Variants in RFX7 observed in about 807,000 individuals in gnomAD.
The protein encoded by RFX7 is regulatory factor X7.
RFX7 carries 26 observed loss-of-function variants against 111.8 expected under a neutral mutation model. That is an observed-to-expected ratio of 0.23 (90% CI 0.17 to 0.32). RFX7 has a LOEUF of 0.32. Ranked by LOEUF, RFX7 falls within the 10% of genes least tolerant of loss-of-function variation. The pLI, the probability that RFX7 is intolerant of heterozygous loss-of-function variation, is 1.00. For missense variants in RFX7, 1,573 were observed against 1,772.9 expected, an observed-to-expected ratio of 0.89 and a Z score of 2.02; for synonymous variants, 624 against 624.4, an observed-to-expected ratio of 1.00 and a Z score of 0.01.
intron 2 of RFX7, among the ~76,000 whole-genome samples, chr15:56,194,076 C>G (rs1184945180): frequency 6.6e-6 from 1 of 152,068 alleles, no homozygotes; most frequent in Non-Finnish European, 1.5e-5. Flanking sequence ...ATTTAGATAT[C>G]TTGTTTGCTA....
chr15:56,233,289 A>T (rs2043588485), intron 2 of RFX7, among the ~76,000 whole-genome samples: 1 of 152,204 alleles, frequency 6.6e-6, no homozygotes, highest in South Asian at 2.1e-4. Flanking sequence ...GAGAGAGCTA[A>T]GTGAAAGAAG....
At position 56,093,725 on chromosome 15, in the gene RFX7, C is replaced by A. The variant is rs1228611515; in HGVS notation, c.4003G>T (p.Ala1335Ser). 6.2e-7 allele frequency: 1 copy of A among 1,613,608 alleles called. No homozygotes were observed. The highest frequency in any genetic ancestry group is 8.5e-7 in the Non-Finnish European group (1 of 1,179,720). Residue 1335 changes from alanine to serine, a missense_variant, in exon 10 of 10, where the codon GCA becomes TCA. Around this residue, in one of 7 missense-constraint regions of RFX7, gnomAD observed 411 missense variants for 478.1 expected, o/e 0.86. Coordinates refer to ENST00000559447, the MANE Select transcript of RFX7 (RefSeq NM_022841.7). Reference protein sequence around the residue: ...QINFSPGDNQAQSEIGEQQLD... With the variant: ...QINFSPGDNQSQSEIGEQQLD... Reference sequence around the variant, plus strand: ...TGTTGCTCTCCAATTTCTGATTGTGCTTGATTATCTCCAGGAGAAAAATTG... The same window carrying A: ...TGTTGCTCTCCAATTTCTGATTGTGATTGATTATCTCCAGGAGAAAAATTG...
chr15:56,100,368 G>A (rs2041736940), intron 8 of RFX7, among the ~76,000 whole-genome samples: 2 of 152,186 alleles, frequency 1.3e-5, no homozygotes, highest in African/African-American at 4.8e-5. Flanking sequence ...AAAACTCTGT[G>A]ACACTCTTTT....
At chr15:56,183,306 A>G (rs889323785) in intron 2 of RFX7, among the ~76,000 whole-genome samples, 3 of 151,936 alleles carry the variant, frequency 2.0e-5, no homozygotes, top group African/African-American at 7.3e-5. Context: ...GATCTAGTCA[A>G]TTTTTTTCCT....
At chr15:56,185,642 T>C (rs1341519717) in intron 2 of RFX7, among the ~76,000 whole-genome samples, 1 of 152,184 alleles carries the variant, frequency 6.6e-6, no homozygotes, top group East Asian at 1.9e-4. Context: ...AATCATGATC[T>C]AGTGTCCTTT....
Position 56,089,889 on chromosome 15 carries a change from G to T in RFX7, c.*3456C>A, listed in dbSNP as rs773261337. The T allele has an allele frequency of 2.6e-5, 4 of 152,090 alleles. No individual in the cohort carries two copies. Among genetic ancestry groups the T allele is most frequent in the Non-Finnish European group, 4.4e-5 (3 of 68,032 alleles). 9.4% of individuals were successfully genotyped at this position (152,090 alleles called of 1,614,324 possible). ...CTATGGTGATAGTGGAACTATCACA[G>T]ATCTACAAAGATCTATGTAAACAGA... On this transcript the variant is annotated 3_prime_UTR_variant, in exon 10 of 10. Transcript: ENST00000559447.
chr15:56,203,678 C>T (rs751651132), intron 2 of RFX7, among the ~76,000 whole-genome samples: 1 of 152,094 alleles, frequency 6.6e-6, no homozygotes, highest in African/African-American at 2.4e-5. Flanking sequence ...AAAATGGCCA[C>T]GAGAGTGACC....
chr15:56,160,290 A>C (rs1388281245), intron 3 of RFX7, among the ~76,000 whole-genome samples: 1 of 152,074 alleles, frequency 6.6e-6, no homozygotes, highest in Admixed American at 6.6e-5. Flanking sequence ...ATGATCAATC[A>C]GGGTATCATG....
chr15:56,097,111 GT>G (rs1291453844), intron 9 of RFX7, among the ~76,000 whole-genome samples: 1 of 152,106 alleles, frequency 6.6e-6, no homozygotes, highest in Non-Finnish European at 1.5e-5. Context: ...GAATAGTGCG[GT>G]TACCATGTAT....
chr15:56,099,625 A>G (rs1430163382), intron 8 of RFX7, among the ~76,000 whole-genome samples: 1 of 152,134 alleles, frequency 6.6e-6, no homozygotes, highest in African/African-American at 2.4e-5. Context: ...TATGGAGACT[A>G]TATTTATAAA....
Position 56,093,064 on chromosome 15 carries a change from C to T in RFX7, c.*281G>A, listed in dbSNP as rs562196287. On this transcript the variant is annotated 3_prime_UTR_variant, in exon 10 of 10. Transcript: ENST00000559447. ...AAACTAACTTACACAAAATAAAGAT[C>T]GACTGCTCTTGTAACAGCTGGATAG... 2.5e-5 allele frequency: 8 copies of T among 321,944 alleles called. No homozygotes were observed. The East Asian group carries it at 2.6e-4, about 10-fold the overall frequency. 19.9% of individuals were successfully genotyped at this position (321,944 alleles called of 1,614,324 possible).
intron 3 of RFX7, among the ~76,000 whole-genome samples, chr15:56,146,380 A>G (rs2042471873): frequency 6.6e-6 from 1 of 152,166 alleles, no homozygotes; most frequent in Non-Finnish European, 1.5e-5. Context: ...GATGCTAGGT[A>G]TGAACTACTG....
chr15:56,135,189 T>G (rs1460422045), intron 5 of RFX7, among the ~76,000 whole-genome samples: 1 of 152,092 alleles, frequency 6.6e-6, no homozygotes, highest in African/African-American at 2.4e-5. Context: ...GGAATCGCCA[T>G]ACTGACTTCC....
At chr15:56,124,140 C>G (rs1164123369) in intron 5 of RFX7, among the ~76,000 whole-genome samples, 1 of 152,158 alleles carries the variant, frequency 6.6e-6, no homozygotes, top group African/African-American at 2.4e-5. Context: ...TAAGAAACAT[C>G]TGCCGGGTGC....
intron 5 of RFX7, among the ~76,000 whole-genome samples, chr15:56,137,024 T>C (rs2042313023): frequency 6.6e-6 from 1 of 152,014 alleles, no homozygotes; most frequent in Non-Finnish European, 1.5e-5. Context: ...TTTGCCAGTA[T>C]TTTATTGAGA....
At chr15:56,114,145 C>T (rs1415196161) in intron 5 of RFX7, among the ~76,000 whole-genome samples, 3 of 152,074 alleles carry the variant, frequency 2.0e-5, no homozygotes, top group Non-Finnish European at 4.4e-5. Flanking sequence ...TGGCTCATGC[C>T]TGTATTCCTA....
At chr15:56,099,287 A>G (rs1410178783) in intron 8 of RFX7, among the ~76,000 whole-genome samples, 1 of 152,112 alleles carries the variant, frequency 6.6e-6, no homozygotes, top group African/African-American at 2.4e-5. Context: ...TCATCATTCT[A>G]GTTAACAACA....
At chr15:56,224,732 C>G (rs1293126914) in intron 2 of RFX7, among the ~76,000 whole-genome samples, 1 of 151,888 alleles carries the variant, frequency 6.6e-6, no homozygotes, top group African/African-American at 2.4e-5. Context: ...TCTATTTTCA[C>G]TTGTTTGTTC....
intron 5 of RFX7, among the ~76,000 whole-genome samples, chr15:56,119,130 T>C (rs1329502865): frequency 6.6e-6 from 1 of 152,150 alleles, no homozygotes; most frequent in Non-Finnish European, 1.5e-5. Flanking sequence ...ATTTCTCCCA[T>C]TCTGTGGGTT....
Sources: gnomAD v4.1 joint callset for allele counts (sites outside exome capture counted in the v4.1 genomes callset) on GRCh38, gnomAD v4.1.1 for gene constraint, gnomAD v4.1.1 regional missense constraint, MANE v1.5 for transcripts, NCBI Gene and HGNC (gene_info 2026-07-23, HGNC 2026-07-21) for gene names.